TUG1: variants seen among roughly 807,000 people sequenced by gnomAD.
TUG1 encodes taurine upregulated gene 1.
intron 2 of TUG1, chr22:30,974,174 A>AT (rs1425845253): frequency 6.6e-6 from 1 of 151,866 alleles, no homozygotes; most frequent in Admixed American, 6.6e-5. Context: ...TAAAGTCAGT[A>AT]TTGTGTGTGT....
chr22:30,976,511 A>G (rs2041289447), exon 3 of TUG1: 2 of 152,326 alleles, frequency 1.3e-5, no homozygotes, highest in East Asian at 1.9e-4. Context: ...CCTTGTGGAT[A>G]TTTTAGTGGA....
chr22:30,971,119 A>G (rs750755692), exon 1 of TUG1: 1 of 152,246 alleles, frequency 6.6e-6, no homozygotes, highest in Non-Finnish European at 1.5e-5. Flanking sequence ...AGTGGTGCTC[A>G]CCAAGTGGTA....
At chr22:30,975,585 A>G (rs537925019) in exon 3 of TUG1, 1 of 152,328 alleles carries the variant, frequency 6.6e-6, no homozygotes, top group East Asian at 1.9e-4. Flanking sequence ...TTTGCTGAAG[A>G]TGGTGTCAAG....
At chr22:30,975,665 G>T (rs1367233955) in exon 3 of TUG1, 1 of 152,132 alleles carries the variant, frequency 6.6e-6, no homozygotes, top group Non-Finnish European at 1.5e-5. Flanking sequence ...TATAGCCAGA[G>T]AACAATTCTA....
chr22:30,972,468 A>C (rs938121520), intron 1 of TUG1: 4 of 152,158 alleles, frequency 2.6e-5, no homozygotes, highest in Middle Eastern at 3.2e-3. Context: ...GAAGAGGGGC[A>C]ATGTCTCCTT....
At chr22:30,969,758 G>C (rs1174079471) in exon 1 of TUG1, 1 of 152,358 alleles carries the variant, frequency 6.6e-6, no homozygotes, top group Non-Finnish European at 1.5e-5. Context: ...GGCAGGAGGG[G>C]GCCGGAGGAT....
At chr22:30,976,000 T>C (rs1188575740) in exon 3 of TUG1, 1 of 151,632 alleles carries the variant, frequency 6.6e-6, no homozygotes, top group African/African-American at 2.4e-5. Context: ...GTAGCAGTTA[T>C]ATTGCCCCTT....
At chr22:30,972,448 A>G (rs1360581646) in intron 1 of TUG1, 1 of 152,234 alleles carries the variant, frequency 6.6e-6, no homozygotes, top group African/African-American at 2.4e-5. Flanking sequence ...TGAGGAAGGC[A>G]TTGGAAGAGG....
chr22:30,971,915 T>C (rs1023988743), intron 1 of TUG1, 136 bp downstream of exon 1: 1 of 152,274 alleles, frequency 6.6e-6, no homozygotes, highest in Non-Finnish European at 1.5e-5. Context: ...CCAACTCTTA[T>C]GCCCTCTTTT....
chr22:30,973,618 A>G (rs2041254771), intron 2 of TUG1, 31 bp downstream of exon 2: 1 of 152,266 alleles, frequency 6.6e-6, no homozygotes, highest in South Asian at 2.1e-4. Flanking sequence ...CCCTCTGTTT[A>G]TAATGCACTT....
exon 3 of TUG1, chr22:30,975,640 A>AT (rs2041280235): frequency 6.6e-6 from 1 of 152,252 alleles, no homozygotes; most frequent in African/African-American, 2.4e-5. Context: ...ATATCCAGTG[A>AT]TTCCTAGAAT....
chr22:30,970,323 A>T (rs2041214317), exon 1 of TUG1: 1 of 152,050 alleles, frequency 6.6e-6, no homozygotes, highest in Non-Finnish European at 1.5e-5. Flanking sequence ...GTCATTTGGG[A>T]CCCTTCACAA....
chr22:30,976,642 G>A (rs2041290621), exon 3 of TUG1: 1 of 152,160 alleles, frequency 6.6e-6, no homozygotes. Context: ...ATCTGTTTCA[G>A]CAGGAAGGAT....
chr22:30,974,918 T>TA (rs758543055), intron 2 of TUG1: 1 of 152,178 alleles, frequency 6.6e-6, no homozygotes, highest in African/African-American at 2.4e-5. Flanking sequence ...GAGTAATACT[T>TA]ACAAAGAATT....
At chr22:30,971,479 T>C (rs565731517) in exon 1 of TUG1, 3 of 152,778 alleles carry the variant, frequency 2.0e-5, no homozygotes, top group South Asian at 2.1e-4. Flanking sequence ...AAGATTTCAC[T>C]ACAGTGTTCT....
intron 2 of TUG1, chr22:30,974,674 A>G (rs2041268993): frequency 6.6e-6 from 1 of 152,134 alleles, no homozygotes. Flanking sequence ...ATGTATGGGG[A>G]GACATAGGAA....
chr22:30,970,319 TG>T (rs1197182464), exon 1 of TUG1: 1 of 152,270 alleles, frequency 6.6e-6, no homozygotes, highest in African/African-American at 2.4e-5. Flanking sequence ...AGATGTCATT[TG>T]GGACCCTTCA....
At chr22:30,974,174 A>G (rs2041261049) in intron 2 of TUG1, 2 of 151,866 alleles carry the variant, frequency 1.3e-5, no homozygotes, top group South Asian at 4.2e-4. Context: ...TAAAGTCAGT[A>G]TTGTGTGTGT....
In TUG1 at chr22:30,970,068, A is replaced by G. The variant is rs200666927; in HGVS notation, c.*250A>G. 5.3e-5 allele frequency: 8 copies of G among 152,286 alleles called. No homozygotes were observed. The East Asian group carries it at 1.2e-3, about 22-fold the overall frequency. The allele number at this position is 152,286 out of a possible 1,614,324, so 9.4% of individuals were successfully genotyped here. Reference sequence around the variant, plus strand: ...TGTTTATAATTTTTTTTGAGTTGTAAGAAAACTTAGCAGTTCCCCAATCCT... The same window carrying G: ...TGTTTATAATTTTTTTTGAGTTGTAGGAAAACTTAGCAGTTCCCCAATCCT... On this transcript the variant is annotated 3_prime_UTR_variant, in exon 1 of 3. Transcript: ENST00000644773.
Sources: gnomAD v4.1 joint callset for allele counts on GRCh38, gnomAD v4.1.1 for gene constraint, MANE v1.5 for transcripts, NCBI Gene and HGNC (gene_info 2026-07-23, HGNC 2026-07-21) for gene names.